Variants in TFDP1 observed in about 807,000 individuals in gnomAD.
The protein encoded by TFDP1 is DRTF1-polypeptide 1.
TFDP1 carries 6 observed loss-of-function variants against 48.0 expected under a neutral mutation model. The ratio of observed to expected loss-of-function variants is 0.13; its 90% CI spans 0.07 to 0.25. The LOEUF (loss-of-function observed/expected upper bound fraction) is 0.25. Among genes scored for constraint, TFDP1 ranks in the 10% least tolerant of loss-of-function variants. The probability of loss-of-function intolerance (pLI) is 1.00; values close to 1 mark genes in which losing one functional copy is unlikely to be tolerated. For missense variants in TFDP1, 335 were observed against 543.0 expected, an observed-to-expected ratio of 0.62 and a Z score of 3.81; for synonymous variants, 201 against 211.6, an observed-to-expected ratio of 0.95 and a Z score of 0.44.
chr13:113,615,972 G>A (rs2048846567), intron 3 of TFDP1, among the ~76,000 whole-genome samples: 1 of 152,082 alleles, frequency 6.6e-6, no homozygotes, highest in Admixed American at 6.5e-5. Context: ...GGAGGCCGAG[G>A]CAGGTGTATC....
intron 2 of TFDP1, among the ~76,000 whole-genome samples, chr13:113,588,969 T>G (rs2048074685): frequency 6.8e-6 from 1 of 147,470 alleles, no homozygotes; most frequent in Non-Finnish European, 1.5e-5. Context: ...GGTAGTGTTG[T>G]GGGTGGACAG....
intron 2 of TFDP1, among the ~76,000 whole-genome samples, chr13:113,590,190 C>A (rs747943795): frequency 2.6e-5 from 4 of 152,154 alleles, no homozygotes. Flanking sequence ...ACGTCACTGC[C>A]CGGTATTCAC....
chr13:113,632,052 A>G (rs2049351241), intron 5 of TFDP1: 1 of 383,054 alleles, frequency 2.6e-6, no homozygotes, highest in East Asian at 5.0e-5. Context: ...TACTCGCCAC[A>G]GGACCTCGGA....
chr13:113,625,590 TGTCTCTCACGTGTCTTCAGGC>T (rs2049135906), intron 4 of TFDP1, among the ~76,000 whole-genome samples: 6 of 100,656 alleles, frequency 6.0e-5, no homozygotes, highest in African/African-American at 8.7e-5. Flanking sequence ...GTTTCTCAGG[TGTCTCTCACGTGTCTTCAGGC>T]GTCTCTCACG....
chr13:113,609,310 T>C (rs1438316300), intron 2 of TFDP1, among the ~76,000 whole-genome samples: 3 of 152,210 alleles, frequency 2.0e-5, no homozygotes, highest in Non-Finnish European at 4.4e-5. Flanking sequence ...TGGCTCTGTG[T>C]GCAGGTGGTC....
Position 113,613,958 on chromosome 13 carries a change from AGGAGTGCATAT to A in TFDP1, c.79+2906_79+2916del, listed in dbSNP as rs2048785208. Among the ~76,000 whole-genome samples the A allele has an allele frequency of 2.0e-5, 3 of 148,296 alleles. No homozygotes were observed. The South Asian group carries it at 6.5e-4, about 32-fold the overall frequency. ...TGCGTGTGTGTGCATGTGAATTGTG[AGGAGTGCATAT>A]GGAGTGCATGTGTTGTGAGTGTGCA... is the stretch of plus-strand genomic sequence containing the variant. On this transcript the variant is annotated intron_variant, in intron 3 of 11. Coordinates refer to ENST00000375370, the MANE Select transcript of TFDP1 (RefSeq NM_007111.5).
At chr13:113,590,517 A>G (rs2048113649) in intron 2 of TFDP1, among the ~76,000 whole-genome samples, 2 of 152,216 alleles carry the variant, frequency 1.3e-5, no homozygotes, top group African/African-American at 2.4e-5. Flanking sequence ...TCAGCGACTC[A>G]GGCCTTCTTT....
chr13:113,629,969 C>T (rs141505030), intron 4 of TFDP1, among the ~76,000 whole-genome samples: 1,556 of 152,260 alleles, frequency 0.01, 29 homozygotes, highest in African/African-American at 0.035. Context: ...GTGGTATGCG[C>T]GGAGCCAGCC....
chr13:113,587,842 C>T (rs1178710080), intron 2 of TFDP1, among the ~76,000 whole-genome samples: 2 of 152,232 alleles, frequency 1.3e-5, no homozygotes, highest in South Asian at 2.1e-4. Flanking sequence ...AAGGGAACAT[C>T]GATAACCAGT....
chr13:113,636,970 G>T (rs901429176), intron 10 of TFDP1, among the ~76,000 whole-genome samples: 1 of 152,200 alleles, frequency 6.6e-6, no homozygotes, highest in Admixed American at 6.5e-5. Context: ...GTGAGGAGGT[G>T]CTAAGTCAGG....
chr13:113,622,416 C>T (rs1415068703), intron 3 of TFDP1, among the ~76,000 whole-genome samples: 1 of 152,218 alleles, frequency 6.6e-6, no homozygotes, highest in Non-Finnish European at 1.5e-5. Context: ...GCCCTGACGC[C>T]CCTCCCGGGC....
intron 2 of TFDP1, among the ~76,000 whole-genome samples, chr13:113,601,893 T>C: frequency 2.9e-5 from 2 of 69,456 alleles, no homozygotes; most frequent in African/African-American, 1.8e-4. Context: ...ACTCCCTCTG[T>C]AGCTCTGAGA....
intron 3 of TFDP1, among the ~76,000 whole-genome samples, chr13:113,619,227 C>A (rs550379282): frequency 6.6e-6 from 1 of 152,302 alleles, no homozygotes; most frequent in South Asian, 2.1e-4. Flanking sequence ...AATCCCAGCA[C>A]TTTGGGAGGC....
chr13:113,636,045 A>G lies in TFDP1; in HGVS notation c.756A>G (p.Pro252=). The change falls in exon 9 of 12, where the codon CCA becomes CCG. Residue 252 remains proline, a synonymous_variant. Transcript: ENST00000375370. ...HAEQQASRPP[P]PNSVIHLPFI... ...AGCAGCAGGCCAGCCGGCCACCGCC[A>G]CCCAACTCAGTCATCCACCTGCCCT... 1.2e-6 allele frequency: 2 copies of G among 1,614,194 alleles called. No homozygotes were observed. The highest frequency in any genetic ancestry group is 1.7e-6 in the Non-Finnish European group (2 of 1,180,040).
chr13:113,621,337 C>T (rs2048990100), intron 3 of TFDP1, among the ~76,000 whole-genome samples: 1 of 152,210 alleles, frequency 6.6e-6, no homozygotes, highest in Non-Finnish European at 1.5e-5. Flanking sequence ...GGGGGGCTAT[C>T]CGCTCAGCTC....
chr13:113,614,782 C>T (rs2048816061), intron 3 of TFDP1, among the ~76,000 whole-genome samples: 1 of 152,234 alleles, frequency 6.6e-6, no homozygotes. Flanking sequence ...TGGGGACTCA[C>T]TACAGGACCC....
rs563716521 is a variant in TFDP1 at position 113,622,296 on chromosome 13, C to T, written c.80-884C>T. Among the ~76,000 whole-genome samples the T allele has an allele frequency of 1.4e-3, 213 of 152,328 alleles. 2 individuals are homozygous for T. Among genetic ancestry groups the T allele is most frequent in the Non-Finnish European group, 2.5e-3 (169 of 68,024 alleles). On this transcript the variant is annotated intron_variant, in intron 3 of 11. Coordinates refer to ENST00000375370, the MANE Select transcript of TFDP1 (RefSeq NM_007111.5). ...TCTTGTGTCTTTACTTCTACACTCT[C>T]TCGTCTCCGCACACGGGGAGAAACC...
chr13:113,630,899 C>T (rs958647197), intron 4 of TFDP1, among the ~76,000 whole-genome samples: 5 of 152,220 alleles, frequency 3.3e-5, no homozygotes, highest in African/African-American at 1.2e-4. Flanking sequence ...CTGGCGTTGC[C>T]TCTGGTGGTT....
chr13:113,630,883 T>A (rs1266238685), intron 4 of TFDP1, among the ~76,000 whole-genome samples: 1 of 152,172 alleles, frequency 6.6e-6, no homozygotes, highest in Non-Finnish European at 1.5e-5. Flanking sequence ...TGGGTCAGTG[T>A]CCACACTGGC....
Sources: allele counts gnomAD v4.1 joint callset (sites outside exome capture counted in the v4.1 genomes callset), GRCh38; gene constraint gnomAD v4.1.1; transcripts MANE v1.5; gene names NCBI Gene and HGNC (gene_info 2026-07-23, HGNC 2026-07-21).